Variants in SLC35F3 observed in about 807,000 individuals in gnomAD.
SLC35F3 encodes solute carrier family 35 member F3, also known as putative thiamine transporter SLC35F3.
Under a neutral mutation model 49.9 loss-of-function variants are expected in SLC35F3, and 25 were observed. The observed-to-expected ratio is 0.50, with a 90% CI of 0.37 to 0.70. The LOEUF is 0.70. Among genes scored for constraint, SLC35F3 ranks in the 30% least tolerant of loss-of-function variants. The pLI is 0.00. For synonymous variants in SLC35F3, 275 were observed against 265.4 expected, an observed-to-expected ratio of 1.04 and a Z score of -0.35; for missense variants, 525 against 639.8, an observed-to-expected ratio of 0.82 and a Z score of 1.94.
intron 2 of SLC35F3, among the ~76,000 whole-genome samples, chr1:234,139,650 G>A (rs1197553682): frequency 1.3e-5 from 2 of 152,054 alleles, no homozygotes; most frequent in Admixed American, 6.6e-5. Context: ...CACTAGTCTT[G>A]TAAAATAAGG....
intron 1 of SLC35F3, 68 bp downstream of exon 1, chr1:233,905,198 T>C (rs1661752237): frequency 6.6e-7 from 1 of 1,513,536 alleles, no homozygotes; most frequent in Admixed American, 2.0e-5. Flanking sequence ...GGGTAGCCCT[T>C]TGCAGCTGGG....
chr1:234,204,385 T>G (rs1364818291), intron 2 of SLC35F3, among the ~76,000 whole-genome samples: 1 of 152,188 alleles, frequency 6.6e-6, no homozygotes. Flanking sequence ...GTCTAGATCA[T>G]GTTGAAAGGT....
chr1:234,200,356 C>A (rs1423396977), intron 2 of SLC35F3, among the ~76,000 whole-genome samples: 4 of 152,254 alleles, frequency 2.6e-5, no homozygotes, highest in African/African-American at 9.6e-5. Flanking sequence ...GAGTTCTTCA[C>A]ATATTCTAGA....
At chr1:234,133,015 A>C (rs1665757624) in intron 2 of SLC35F3, among the ~76,000 whole-genome samples, 1 of 152,218 alleles carries the variant, frequency 6.6e-6, no homozygotes, top group Non-Finnish European at 1.5e-5. Context: ...TAGATGAGGA[A>C]ACTGTGGCAC....
At chr1:233,960,596 A>G (rs1357682073) in intron 2 of SLC35F3, among the ~76,000 whole-genome samples, 1 of 152,206 alleles carries the variant, frequency 6.6e-6, no homozygotes, top group Non-Finnish European at 1.5e-5. Context: ...GCAGCTGTTG[A>G]GTAATGCTAG....
In SLC35F3 at chr1:234,046,279, C is replaced by T. The variant is rs1664290858; in HGVS notation, c.283+140521C>T. Among the ~76,000 whole-genome samples, 2 of 152,186 alleles carry T rather than the reference C, an allele frequency of 1.3e-5. No homozygotes were observed. Among genetic ancestry groups the T allele is most frequent in the African/African-American group, 2.4e-5 (1 of 41,458 alleles). On this transcript the variant is annotated intron_variant, in intron 2 of 7. Coordinates refer to ENST00000366618, the MANE Select transcript of SLC35F3 (RefSeq NM_173508.4). The surrounding 1 kb of genome is among the most constrained non-coding windows in gnomAD (Gnocchi z 4.4). ...GCTCACTATTCTATATTCTTACTAA[C>T]ACCTGCTATTGAAGATTTTAAATAC...
rs188796288 is a variant in SLC35F3 at position 233,955,118 on chromosome 1, A to G, written c.283+49360A>G. Among the ~76,000 whole-genome samples the G allele has an allele frequency of 2.6e-5, 4 of 152,202 alleles. No homozygotes were observed. In the East Asian group the frequency reaches 7.7e-4, roughly 29 times the overall value. On this transcript the variant is annotated intron_variant, in intron 2 of 7. Coordinates refer to ENST00000366618, the MANE Select transcript of SLC35F3 (RefSeq NM_173508.4). Reference sequence around the variant, plus strand: ...CTCAGCCTCCCTAAGTGCTGGGATTACAGGCACGAGCCACCGCACCAGGCC... The same window carrying G: ...CTCAGCCTCCCTAAGTGCTGGGATTGCAGGCACGAGCCACCGCACCAGGCC...
At chr1:233,929,599 A>C (rs4920237) in intron 2 of SLC35F3, among the ~76,000 whole-genome samples, 1 of 151,926 alleles carries the variant, frequency 6.6e-6, no homozygotes, top group Admixed American at 6.6e-5. Flanking sequence ...CTTTGGATTA[A>C]TTATGTTGAA....
chr1:234,203,812 C>T (rs938313151), intron 2 of SLC35F3, among the ~76,000 whole-genome samples: 1 of 152,110 alleles, frequency 6.6e-6, no homozygotes, highest in Admixed American at 6.5e-5. Flanking sequence ...AAATAACTCA[C>T]TGTTGTTACT....
At chr1:233,989,878 G>C (rs912326935) in intron 2 of SLC35F3, among the ~76,000 whole-genome samples, 6 of 152,058 alleles carry the variant, frequency 3.9e-5, no homozygotes, top group African/African-American at 1.4e-4. Context: ...ACTAATTGGT[G>C]GATGAGATTG....
At chr1:234,041,103 A>C (rs545654017) in intron 2 of SLC35F3, among the ~76,000 whole-genome samples, 1 of 152,206 alleles carries the variant, frequency 6.6e-6, no homozygotes, top group Non-Finnish European at 1.5e-5. Context: ...TTCTTTGGTA[A>C]TGATGTCATC....
intron 2 of SLC35F3, among the ~76,000 whole-genome samples, chr1:233,943,553 A>G (rs1662464392): frequency 6.6e-6 from 1 of 152,234 alleles, no homozygotes; most frequent in South Asian, 2.1e-4. Context: ...TGCAAATTTG[A>G]TTCATCAAAG....
At chr1:233,938,976 C>T (rs1164880385) in intron 2 of SLC35F3, among the ~76,000 whole-genome samples, 1 of 152,108 alleles carries the variant, frequency 6.6e-6, no homozygotes, top group African/African-American at 2.4e-5. Context: ...CCCTAAGCAC[C>T]CAGTCTCCAT....
chr1:234,066,709 G>GTC (rs941919077), intron 2 of SLC35F3, among the ~76,000 whole-genome samples: 2 of 150,776 alleles, frequency 1.3e-5, no homozygotes, highest in African/African-American at 4.9e-5. Context: ...CTCTCTCTCT[G>GTC]TCTCTCTCTC....
At chr1:234,056,264 TATTA>T (rs936842272) in intron 2 of SLC35F3, among the ~76,000 whole-genome samples, 170 of 152,212 alleles carry the variant, frequency 1.1e-3, no homozygotes, top group African/African-American at 3.9e-3. Flanking sequence ...AAAGATATAA[TATTA>T]ATTAATCTCT....
chr1:233,927,311 T>C (rs996618916), intron 2 of SLC35F3, among the ~76,000 whole-genome samples: 4 of 152,194 alleles, frequency 2.6e-5, no homozygotes, highest in African/African-American at 7.2e-5. Context: ...ATTTTTGATA[T>C]GTAAGTAGGA....
At chr1:234,177,719 CA>C in intron 2 of SLC35F3, among the ~76,000 whole-genome samples, 1 of 152,270 alleles carries the variant, frequency 6.6e-6, no homozygotes, top group South Asian at 2.1e-4. Flanking sequence ...ATTTGCAAAT[CA>C]GGTGAGTTGC....
At chr1:234,052,756 C>T (rs1251004961) in intron 2 of SLC35F3, among the ~76,000 whole-genome samples, 2 of 152,158 alleles carry the variant, frequency 1.3e-5, no homozygotes, top group African/African-American at 4.8e-5. Flanking sequence ...ATCTTTCCTG[C>T]TTTCTCTTGT....
In SLC35F3 at chr1:234,318,811, A is replaced by T; in HGVS notation, c.1015A>T (p.Ile339Phe). ...TGGAGAAGCCGCCTTATTTTTGTCC[A>T]TCTTGGGTGTGTTTAACATCCTCTT... ...KFGEAALFLS[I>F]LGVFNILFIT... Residue 339 changes from isoleucine (I) to phenylalanine (F), a missense_variant, in exon 6 of 8, where the codon ATC (isoleucine) becomes TTC (phenylalanine). Ile to Phe is a conservative substitution (Grantham distance 21). Around this residue, in one of 4 missense-constraint regions of SLC35F3, gnomAD observed 216 missense variants for 298.1 expected, o/e 0.72. Transcript: ENST00000366618. 3 of 1,614,130 alleles carry T rather than the reference A, an allele frequency of 1.9e-6. No individual in the cohort carries two copies. The highest frequency in any genetic ancestry group is 2.5e-6 in the Non-Finnish European group (3 of 1,180,002).
Sources: allele counts gnomAD v4.1 joint callset (sites outside exome capture counted in the v4.1 genomes callset), GRCh38; gene constraint gnomAD v4.1.1; regional missense constraint gnomAD v4.1.1; non-coding constraint Gnocchi (gnomAD v3.1); transcripts MANE v1.5; gene names NCBI Gene and HGNC (gene_info 2026-07-23, HGNC 2026-07-21).